The following L3MBTL4 variants were observed in gnomAD, a reference collection of about 807,000 sequenced individuals.
The protein encoded by L3MBTL4 is lethal(3)malignant brain tumor-like protein 4.
L3MBTL4 carries 70 observed loss-of-function variants against 84.5 expected under a neutral mutation model. The observed-to-expected ratio is 0.83, with a 90% CI of 0.68 to 1.01. The LOEUF (loss-of-function observed/expected upper bound fraction) is 1.01, where lower values mean the gene tolerates loss of function less well. L3MBTL4 is among the 50% of genes least tolerant of loss of function. L3MBTL4 has a pLI of 0.00. For synonymous variants in L3MBTL4, 274 were observed against 259.8 expected (o/e 1.05, Z -0.52); for missense variants, 715 against 754.8 (o/e 0.95, Z 0.62).
chr18:6,228,669 A>G (rs2046875572), intron 10 of L3MBTL4, among the ~76,000 whole-genome samples: 1 of 152,098 alleles, frequency 6.6e-6, no homozygotes, highest in African/African-American at 2.4e-5. Flanking sequence ...GCAAAACAAA[A>G]CCACAGTGAA....
chr18:6,129,668 G>A (rs1252212859), intron 14 of L3MBTL4, among the ~76,000 whole-genome samples: 1 of 152,092 alleles, frequency 6.6e-6, no homozygotes, highest in Non-Finnish European at 1.5e-5. Context: ...TTGCTTAAGT[G>A]CTAGAGTGAT....
intron 1 of L3MBTL4, among the ~76,000 whole-genome samples, chr18:6,312,639 C>G (rs896749478): frequency 1.3e-5 from 2 of 152,172 alleles, no homozygotes; most frequent in Non-Finnish European, 2.9e-5. Context: ...GAAAATGCAT[C>G]TTTTTCTCAT....
Position 6,240,549 on chromosome 18 carries a change from T to C in L3MBTL4, c.553-677A>G, listed in dbSNP as rs528089996. 1.9e-4 allele frequency among the ~76,000 whole-genome samples: 29 copies of C among 152,168 alleles called. No homozygotes were observed. The South Asian group carries it at 5.2e-3, about 27-fold the overall frequency. On this transcript the variant is annotated intron_variant, in intron 8 of 18. Coordinates refer to ENST00000317931, the MANE Select transcript of L3MBTL4 (RefSeq NM_001330559.2). ...CAATTACAAACCCACCCTTCATATATCTATAATTAGCCAATCCTGGGATTT... is the reference window on the plus strand; with the variant it reads ...CAATTACAAACCCACCCTTCATATACCTATAATTAGCCAATCCTGGGATTT...
chr18:6,109,065 G>A (rs1378166523), intron 14 of L3MBTL4, among the ~76,000 whole-genome samples: 4 of 152,172 alleles, frequency 2.6e-5, no homozygotes, highest in African/African-American at 9.6e-5. Flanking sequence ...CTATGCAGAT[G>A]TGTACTTTTA....
chr18:6,110,731 T>G (rs1006413831), intron 14 of L3MBTL4, among the ~76,000 whole-genome samples: 36 of 152,194 alleles, frequency 2.4e-4, no homozygotes, highest in East Asian at 7.7e-4. Flanking sequence ...TATGTGTGGT[T>G]TCTGTATGCA....
intron 1 of L3MBTL4, among the ~76,000 whole-genome samples, chr18:6,336,022 G>T (rs1208026090): frequency 6.6e-6 from 1 of 152,080 alleles, no homozygotes; most frequent in Non-Finnish European, 1.5e-5. Context: ...CAAAAGAAAG[G>T]TCACAAGTAG....
At chr18:6,382,303 T>C (rs1179149112) in intron 1 of L3MBTL4, among the ~76,000 whole-genome samples, 1 of 152,148 alleles carries the variant, frequency 6.6e-6, no homozygotes, top group Non-Finnish European at 1.5e-5. Flanking sequence ...GAGGAGTTTG[T>C]TATTACCCAC....
At chr18:6,392,682 T>A (rs2144543237) in intron 1 of L3MBTL4, among the ~76,000 whole-genome samples, 1 of 152,284 alleles carries the variant, frequency 6.6e-6, no homozygotes, top group Middle Eastern at 3.4e-3. Context: ...AACCAAAAAA[T>A]TCTAGAAGAT....
At chr18:6,018,479 G>C (rs1016261263) in intron 16 of L3MBTL4, among the ~76,000 whole-genome samples, 1 of 152,186 alleles carries the variant, frequency 6.6e-6, no homozygotes, top group African/African-American at 2.4e-5. Flanking sequence ...CCCACGGAAA[G>C]CCTGGTAGAT....
rs71370542 is a variant in L3MBTL4, at chr18:6,072,865, C to CAAAAAAAAAAAAA, written c.1444+8003_1444+8015dup. Among the ~76,000 whole-genome samples the CAAAAAAAAAAAAA allele has an allele frequency of 1.6e-3, 5 of 3,064 alleles. 2 individuals carry two copies. The African/African-American group carries it at 0.02, about 12-fold the overall frequency. 2.0% of individuals were successfully genotyped at this position (3,064 alleles called of 152,430 possible). On this transcript the variant is annotated intron_variant, in intron 16 of 18. Coordinates refer to ENST00000317931, the MANE Select transcript of L3MBTL4 (RefSeq NM_001330559.2). ...GGTGACAGAGAGAGAGACTCCGTCTCAAAAAAAAAAAAAAAAATATATATA... is the reference window on the plus strand; with the variant it reads ...GGTGACAGAGAGAGAGACTCCGTCTCAAAAAAAAAAAAAAAAAAAAAAAAAAAAAATATATATA...
At chr18:6,147,567 C>T (rs1009283281) in intron 13 of L3MBTL4, among the ~76,000 whole-genome samples, 11 of 152,040 alleles carry the variant, frequency 7.2e-5, no homozygotes, top group Non-Finnish European at 1.3e-4. Flanking sequence ...CTTTAAAGTA[C>T]CACGATGGCA....
At chr18:6,217,382 C>T (rs1441792098) in intron 10 of L3MBTL4, among the ~76,000 whole-genome samples, 2 of 152,306 alleles carry the variant, frequency 1.3e-5, no homozygotes, top group African/African-American at 4.8e-5. Flanking sequence ...AATCACACAG[C>T]ATGTGCTCCT....
At chr18:6,030,507 T>C (rs999974320) in intron 16 of L3MBTL4, 2 of 968,852 alleles carry the variant, frequency 2.1e-6, no homozygotes, top group African/African-American at 1.8e-5. Flanking sequence ...GACTCTTTTT[T>C]TTTTTTTTGG....
chr18:6,257,268 C>G (rs560937297), intron 5 of L3MBTL4, among the ~76,000 whole-genome samples: 1 of 151,922 alleles, frequency 6.6e-6, no homozygotes, highest in East Asian at 1.9e-4. Flanking sequence ...CTCCCGGGAA[C>G]CAGAGGGCAG....
At chr18:6,255,452 ACCACAT>A (rs2146284571) in intron 5 of L3MBTL4, among the ~76,000 whole-genome samples, 1 of 152,330 alleles carries the variant, frequency 6.6e-6, no homozygotes, top group East Asian at 1.9e-4. Context: ...AAGCATCTGA[ACCACAT>A]CAGGATGTAT....
intron 1 of L3MBTL4, among the ~76,000 whole-genome samples, chr18:6,318,766 G>GAA: frequency 6.6e-6 from 1 of 151,852 alleles, no homozygotes; most frequent in Non-Finnish European, 1.5e-5. Context: ...TAAACTACAT[G>GAA]ATAGAACAAA....
At chr18:6,104,374 C>A (rs894292558) in intron 14 of L3MBTL4, among the ~76,000 whole-genome samples, 1 of 152,134 alleles carries the variant, frequency 6.6e-6, no homozygotes, top group African/African-American at 2.4e-5. Flanking sequence ...TATATACATA[C>A]AATGGTATAT....
chr18:6,026,920 T>A (rs1196695254), intron 16 of L3MBTL4, among the ~76,000 whole-genome samples: 1 of 152,086 alleles, frequency 6.6e-6, no homozygotes, highest in African/African-American at 2.4e-5. Flanking sequence ...CATGTTATGT[T>A]AAATTTAACA....
At chr18:6,014,374 G>A (rs1189084693) in intron 16 of L3MBTL4, among the ~76,000 whole-genome samples, 1 of 152,068 alleles carries the variant, frequency 6.6e-6, no homozygotes, top group Middle Eastern at 3.2e-3. Context: ...CATCCTGTAG[G>A]CAAATTGTTA....
Sources: gnomAD v4.1 joint callset for allele counts (sites outside exome capture counted in the v4.1 genomes callset) on GRCh38, gnomAD v4.1.1 for gene constraint, MANE v1.5 for transcripts, NCBI Gene and HGNC (gene_info 2026-07-23, HGNC 2026-07-21) for gene names.